The following SH3RF2 variants were observed in gnomAD, a reference collection of about 807,000 sequenced individuals.
SH3RF2 encodes E3 ubiquitin-protein ligase SH3RF2.
A neutral mutation model predicts 59.0 loss-of-function variants in SH3RF2; 43 were observed. That is an observed-to-expected ratio of 0.73 (90% confidence interval 0.57 to 0.94). The LOEUF is 0.94. Ranked by LOEUF, SH3RF2 falls within the 40% of genes least tolerant of loss-of-function variation. The probability of loss-of-function intolerance (pLI) is 0.00; values close to 1 mark genes in which losing one functional copy is unlikely to be tolerated. For synonymous variants in SH3RF2, 391 were observed against 391.5 expected, an observed-to-expected ratio of 1.00 and a Z score of 0.01; for missense variants, 930 against 940.1, an observed-to-expected ratio of 0.99 and a Z score of 0.14.
At chr5:146,036,812 C>T (rs1038787692) in intron 5 of SH3RF2, among the ~76,000 whole-genome samples, 11 of 152,150 alleles carry the variant, frequency 7.2e-5, no homozygotes, top group African/African-American at 1.9e-4. Context: ...TGCTTTTTCC[C>T]AAAAAGCTAA....
At chr5:145,965,629 T>C (rs887734519) in intron 2 of SH3RF2, among the ~76,000 whole-genome samples, 21 of 152,178 alleles carry the variant, frequency 1.4e-4, no homozygotes, top group African/African-American at 4.6e-4. Context: ...ACGGAGGTAA[T>C]TGGTGTTTAC....
chr5:146,031,283 C>T (rs115372040), intron 5 of SH3RF2, among the ~76,000 whole-genome samples: 2,295 of 152,316 alleles, frequency 0.015, 59 homozygotes, highest in African/African-American at 0.051. Flanking sequence ...TGATGTCCCC[C>T]TGCTCCCTCC....
intron 4 of SH3RF2, among the ~76,000 whole-genome samples, chr5:146,004,424 C>T (rs1251390850): frequency 6.6e-6 from 1 of 152,054 alleles, no homozygotes; most frequent in East Asian, 1.9e-4. Flanking sequence ...AAAATGTATG[C>T]CTCCTTTGAG....
chr5:146,045,945 C>A (rs993777003), intron 5 of SH3RF2, among the ~76,000 whole-genome samples: 6 of 152,210 alleles, frequency 3.9e-5, no homozygotes, highest in Admixed American at 6.5e-5. Context: ...TTCCAACCAG[C>A]AATGTATGAG....
intron 3 of SH3RF2, among the ~76,000 whole-genome samples, chr5:146,001,593 G>C (rs1760408458): frequency 6.6e-6 from 1 of 152,178 alleles, no homozygotes; most frequent in Admixed American, 6.5e-5. Context: ...CTTTGTGCCA[G>C]GCATTAGACA....
intron 2 of SH3RF2, among the ~76,000 whole-genome samples, chr5:145,963,828 T>TG (rs1758735396): frequency 2.0e-5 from 3 of 149,250 alleles, no homozygotes. Context: ...CTTTCTTTTT[T>TG]GTTTTTTTTT....
At position 146,060,059 on chromosome 5, in the gene SH3RF2, G is replaced by A. The variant is rs747447542; in HGVS notation, c.1749G>A (p.Thr583=). Residue 583 remains threonine (T), a synonymous_variant, in exon 9 of 10, where the codon ACG becomes ACA. Coordinates refer to ENST00000359120, the MANE Select transcript of SH3RF2 (RefSeq NM_152550.4). The part of the protein sequence containing the change: ...KPALTGEPAL[T]CISRGSEAWI... ...CCCTCACGGGGGAGCCCGCCCTCAC[G>A]TGCATCAGCAGGGGCAGTGAGGCCT... 4.8e-5 allele frequency: 78 copies of A among 1,613,582 alleles called. No homozygotes were observed. The highest frequency in any genetic ancestry group is 8.9e-5 in the East Asian group (4 of 44,826).
intron 5 of SH3RF2, among the ~76,000 whole-genome samples, chr5:146,029,628 C>A (rs963240558): frequency 4.6e-5 from 7 of 152,236 alleles, no homozygotes; most frequent in East Asian, 1.9e-4. Context: ...TGCACATAAG[C>A]TGAAAATCAG....
intron 4 of SH3RF2, among the ~76,000 whole-genome samples, chr5:146,007,685 G>C (rs1466077126): frequency 6.6e-6 from 1 of 152,096 alleles, no homozygotes; most frequent in Non-Finnish European, 1.5e-5. Context: ...TATTCATTTG[G>C]ATACAGTTTC....
chr5:146,028,437 A>G (rs1761620262), intron 5 of SH3RF2, among the ~76,000 whole-genome samples: 1 of 152,226 alleles, frequency 6.6e-6, no homozygotes, highest in Non-Finnish European at 1.5e-5. Context: ...TCTTCCACAC[A>G]GACCTGTTAG....
chr5:145,981,445 A>T (rs1226308855), intron 2 of SH3RF2, among the ~76,000 whole-genome samples: 1 of 152,162 alleles, frequency 6.6e-6, no homozygotes, highest in African/African-American at 2.4e-5. Context: ...ATTCACCAAG[A>T]TCCACACATT....
At chr5:146,053,396 G>T (rs1162756430) in intron 7 of SH3RF2, among the ~76,000 whole-genome samples, 1 of 151,610 alleles carries the variant, frequency 6.6e-6, no homozygotes, top group African/African-American at 2.4e-5. Context: ...CATCCCTTTG[G>T]GTCTCCTCTA....
intron 2 of SH3RF2, among the ~76,000 whole-genome samples, chr5:145,992,804 G>A (rs1396080839): frequency 6.6e-6 from 1 of 150,436 alleles, no homozygotes; most frequent in Non-Finnish European, 1.5e-5. Flanking sequence ...GATGAGATCT[G>A]GGCGGGGACA....
intron 2 of SH3RF2, among the ~76,000 whole-genome samples, chr5:145,992,350 G>T (rs1003627407): frequency 6.6e-6 from 1 of 152,200 alleles, no homozygotes; most frequent in Non-Finnish European, 1.5e-5. Flanking sequence ...TCCAGCTTGG[G>T]TGACAAAGTG....
intron 2 of SH3RF2, among the ~76,000 whole-genome samples, chr5:145,988,440 C>T (rs566130414): frequency 1.3e-5 from 2 of 151,978 alleles, no homozygotes; most frequent in South Asian, 2.1e-4. Context: ...GTTTGGATAA[C>T]CCAGACTTGC....
At chr5:145,975,229 A>G (rs1759242871) in intron 2 of SH3RF2, among the ~76,000 whole-genome samples, 1 of 152,172 alleles carries the variant, frequency 6.6e-6, no homozygotes, top group Non-Finnish European at 1.5e-5. Flanking sequence ...CCCAACTGAC[A>G]CTGGAGCTCA....
At chr5:145,998,994 A>G (rs575233051) in intron 2 of SH3RF2, among the ~76,000 whole-genome samples, 15 of 150,070 alleles carry the variant, frequency 1.0e-4, no homozygotes, top group African/African-American at 2.9e-4. Flanking sequence ...AAAAAACAAT[A>G]TATCTAACTT....
chr5:146,057,964 CTCTCTATCTA>C (rs898344639), intron 8 of SH3RF2, among the ~76,000 whole-genome samples: 1 of 78,470 alleles, frequency 1.3e-5, no homozygotes, highest in South Asian at 3.3e-4. Context: ...CTCTCTCTCT[CTCTCTATCTA>C]TCTATCTATC....
At chr5:146,079,670 G>A (rs1361843307) in exon 10 of SH3RF2, 1 of 152,202 alleles carries the variant, frequency 6.6e-6, no homozygotes, top group Non-Finnish European at 1.5e-5. Flanking sequence ...TCTATGTGAA[G>A]CTATCACATG....
Sources: allele counts gnomAD v4.1 joint callset (sites outside exome capture counted in the v4.1 genomes callset), GRCh38; gene constraint gnomAD v4.1.1; transcripts MANE v1.5; gene names NCBI Gene and HGNC (gene_info 2026-07-23, HGNC 2026-07-21).